DGKB: variants seen among roughly 807,000 people sequenced by gnomAD.
The protein encoded by DGKB is 90 kDa diacylglycerol kinase.
DGKB carries 67 observed loss-of-function variants against 114.3 expected under a neutral mutation model. That is an observed-to-expected ratio of 0.59 (90% CI 0.48 to 0.72). DGKB has a LOEUF of 0.72. DGKB is among the 30% of genes least tolerant of loss of function. The pLI is 0.00. For missense variants in DGKB, 907 were observed against 975.2 expected, an observed-to-expected ratio of 0.93 and a Z score of 0.93; for synonymous variants, 398 against 323.1, an observed-to-expected ratio of 1.23 and a Z score of -2.49.
chr7:14,796,009 T>C (rs1250823565), intron 2 of DGKB, among the ~76,000 whole-genome samples: 1 of 152,084 alleles, frequency 6.6e-6, no homozygotes, highest in Non-Finnish European at 1.5e-5. Flanking sequence ...AACCCTTATC[T>C]CTAATAGGAA....
chr7:14,347,761 T>C, intron 21 of DGKB, among the ~76,000 whole-genome samples: 1 of 152,006 alleles, frequency 6.6e-6, no homozygotes, highest in East Asian at 1.9e-4. Flanking sequence ...TATTATATAT[T>C]TGAAATTAAC....
intron 2 of DGKB, among the ~76,000 whole-genome samples, chr7:14,813,258 T>A (rs1437277270): frequency 1.3e-5 from 2 of 152,202 alleles, no homozygotes; most frequent in Admixed American, 1.3e-4. Context: ...AAGAGATATA[T>A]AGATAAGCAG....
At chr7:14,581,908 T>C (rs1166336384) in intron 18 of DGKB, among the ~76,000 whole-genome samples, 3 of 152,232 alleles carry the variant, frequency 2.0e-5, no homozygotes, top group African/African-American at 7.2e-5. Context: ...ATAAAACATA[T>C]AAATATGATT....
chr7:14,738,494 T>TA (rs1301966884), intron 4 of DGKB, among the ~76,000 whole-genome samples: 2 of 152,348 alleles, frequency 1.3e-5, no homozygotes, highest in East Asian at 3.9e-4. Context: ...TCTTCATCTA[T>TA]AAAATTAGAA....
Position 14,841,314 on chromosome 7 carries a change from G to A in DGKB, c.-51C>T. 2 of 1,534,616 alleles carry A rather than the reference G, an allele frequency of 1.3e-6. No individual in the cohort carries two copies. The highest frequency in any genetic ancestry group is 1.7e-5 in the Admixed American group (1 of 57,330). On this transcript the variant is annotated 5_prime_UTR_variant, in exon 2 of 26. Transcript: ENST00000402815. ...TACCAGGTAAAAGATTCTTTATTCA[G>A]GTGTTGCGCAGAGGTCTATGCTTCA...
chr7:14,834,478 A>G (rs1354961490), intron 2 of DGKB, among the ~76,000 whole-genome samples: 1 of 152,130 alleles, frequency 6.6e-6, no homozygotes, highest in Non-Finnish European at 1.5e-5. Flanking sequence ...CCAAAGAAAT[A>G]TTAGCGTATC....
intron 23 of DGKB, among the ~76,000 whole-genome samples, chr7:14,196,593 A>C (rs2128282099): frequency 6.6e-6 from 1 of 152,246 alleles, no homozygotes; most frequent in South Asian, 2.1e-4. Context: ...ATGGAATTTT[A>C]AAATTAATTC....
At chr7:14,345,647 T>A (rs1812358726) in intron 21 of DGKB, among the ~76,000 whole-genome samples, 1 of 151,700 alleles carries the variant, frequency 6.6e-6, no homozygotes, top group South Asian at 2.1e-4. Flanking sequence ...GTTCATCACA[T>A]TTTAAAAAAC....
intron 1 of DGKB, among the ~76,000 whole-genome samples, chr7:14,873,074 A>G (rs1852723547): frequency 6.6e-6 from 1 of 152,144 alleles, no homozygotes; most frequent in African/African-American, 2.4e-5. Flanking sequence ...GACTTAGGTA[A>G]TGGGAAATTC....
chr7:14,776,271 A>G (rs921839406), intron 2 of DGKB, among the ~76,000 whole-genome samples: 3 of 152,256 alleles, frequency 2.0e-5, no homozygotes, highest in Admixed American at 6.5e-5. Context: ...ATGCGATAAA[A>G]AAATAAAAAT....
At chr7:14,653,767 G>T (rs1182417614) in intron 13 of DGKB, among the ~76,000 whole-genome samples, 2 of 151,748 alleles carry the variant, frequency 1.3e-5, no homozygotes, top group African/African-American at 4.8e-5. Flanking sequence ...ATAGAATAAA[G>T]GAAAAAGTCT....
intron 1 of DGKB, among the ~76,000 whole-genome samples, chr7:14,958,473 ACACC>A (rs1414148927): frequency 1.4e-5 from 2 of 147,404 alleles, no homozygotes; most frequent in East Asian, 2.0e-4. Flanking sequence ...ACACACACAC[ACACC>A]CCGTCCAGGA....
At chr7:14,852,589 T>A (rs1849562756) in intron 1 of DGKB, among the ~76,000 whole-genome samples, 1 of 151,852 alleles carries the variant, frequency 6.6e-6, no homozygotes. Flanking sequence ...TTGTTATTTT[T>A]GTTATATTTG....
intron 13 of DGKB, among the ~76,000 whole-genome samples, chr7:14,660,917 G>C (rs1237167547): frequency 6.6e-6 from 1 of 151,532 alleles, no homozygotes; most frequent in African/African-American, 2.4e-5. Flanking sequence ...ACAACTATCT[G>C]ATCTTTGACA....
At chr7:14,520,683 A>G (rs1475585758) in intron 20 of DGKB, among the ~76,000 whole-genome samples, 1 of 151,998 alleles carries the variant, frequency 6.6e-6, no homozygotes, top group South Asian at 2.1e-4. Flanking sequence ...GGTCAGAGCA[A>G]CACCTAGTAT....
chr7:14,734,207 T>C (rs968202825), intron 5 of DGKB, among the ~76,000 whole-genome samples: 3 of 151,706 alleles, frequency 2.0e-5, no homozygotes, highest in Non-Finnish European at 2.9e-5. Flanking sequence ...GCTAATTTTT[T>C]TTTTTGTATT....
chr7:14,689,375 C>T (rs1255198745), intron 9 of DGKB, among the ~76,000 whole-genome samples: 1 of 151,564 alleles, frequency 6.6e-6, no homozygotes, highest in Non-Finnish European at 1.5e-5. Context: ...CGGGGTTTCA[C>T]CGTGTTAGCC....
At chr7:14,301,685 G>C (rs1803564296) in intron 23 of DGKB, among the ~76,000 whole-genome samples, 1 of 152,106 alleles carries the variant, frequency 6.6e-6, no homozygotes, top group East Asian at 1.9e-4. Context: ...ACATGAATAG[G>C]TGTGTACACA....
intron 23 of DGKB, among the ~76,000 whole-genome samples, chr7:14,319,139 G>T (rs1367130999): frequency 1.4e-5 from 2 of 142,506 alleles, no homozygotes; most frequent in African/African-American, 5.1e-5. Flanking sequence ...GACTGTTGTG[G>T]GGTGAGGGGA....
Sources: gnomAD v4.1 joint callset for allele counts (sites outside exome capture counted in the v4.1 genomes callset) on GRCh38, gnomAD v4.1.1 for gene constraint, MANE v1.5 for transcripts, NCBI Gene and HGNC (gene_info 2026-07-23, HGNC 2026-07-21) for gene names.